The following TBC1D1 variants were observed in gnomAD, a reference collection of about 807,000 sequenced individuals.
The protein encoded by TBC1D1 is TBC1 (tre-2/USP6, BUB2, cdc16) domain family, member 1.
Under a neutral mutation model 125.6 loss-of-function variants are expected in TBC1D1, and 89 were observed. That is an observed-to-expected ratio of 0.71 (90% CI 0.60 to 0.85). The LOEUF (loss-of-function observed/expected upper bound fraction) is 0.85, where lower values mean the gene tolerates loss of function less well. Ranked by LOEUF, TBC1D1 falls within the 40% of genes least tolerant of loss-of-function variation. The pLI is 0.00. For synonymous variants in TBC1D1, 565 were observed against 564.1 expected, an observed-to-expected ratio of 1.00 and a Z score of -0.02; for missense variants, 1,377 against 1,469.2, an observed-to-expected ratio of 0.94 and a Z score of 1.03.
intron 12 of TBC1D1, among the ~76,000 whole-genome samples, chr4:38,075,901 G>GT (rs1434981367): frequency 2.6e-5 from 4 of 151,686 alleles, no homozygotes; most frequent in Admixed American, 6.6e-5. Flanking sequence ...TTCTCTTTTT[G>GT]TTTTTTTTCC....
chr4:37,938,161 G>A (rs193064741), intron 2 of TBC1D1, among the ~76,000 whole-genome samples: 1 of 152,006 alleles, frequency 6.6e-6, no homozygotes, highest in Non-Finnish European at 1.5e-5. Flanking sequence ...TGGGAGGGTC[G>A]CTTGAGATCA....
At chr4:38,135,892 ATGTG>A (rs1296481342) in intron 19 of TBC1D1, among the ~76,000 whole-genome samples, 1 of 148,768 alleles carries the variant, frequency 6.7e-6, no homozygotes, top group Non-Finnish European at 1.5e-5. Context: ...GTGTGTATAT[ATGTG>A]TGTGTGTATA....
intron 2 of TBC1D1, among the ~76,000 whole-genome samples, chr4:37,992,868 G>A (rs1302403425): frequency 1.3e-5 from 2 of 148,572 alleles, no homozygotes; most frequent in African/African-American, 2.5e-5. Context: ...GCAGTGGCGC[G>A]ATCTCAGCTC....
At chr4:38,096,531 C>T (rs2152547542) in intron 14 of TBC1D1, among the ~76,000 whole-genome samples, 1 of 152,354 alleles carries the variant, frequency 6.6e-6, no homozygotes, top group Non-Finnish European at 1.5e-5. Context: ...AAATGCCTCA[C>T]CCTCTCTGAG....
Position 38,005,426 on chromosome 4 carries a change from G to C in TBC1D1, c.418-9083G>C, listed in dbSNP as rs920171222. 2.0e-5 allele frequency among the ~76,000 whole-genome samples: 3 copies of C among 152,300 alleles called. No homozygotes were observed. In the South Asian group the frequency reaches 6.2e-4, roughly 32 times the overall value. On this transcript the variant is annotated intron_variant, in intron 2 of 19. Coordinates refer to ENST00000261439, the MANE Select transcript of TBC1D1 (RefSeq NM_015173.4). Reference sequence around the variant, plus strand: ...TATGTGAGAATTAAGGTTATGATTTGATTTGAAAGACTAGGCTGTTTGCAG... The same window carrying C: ...TATGTGAGAATTAAGGTTATGATTTCATTTGAAAGACTAGGCTGTTTGCAG...
At position 38,089,962 on chromosome 4, in the gene TBC1D1, G is replaced by A. The variant is rs753789018; in HGVS notation, c.2081G>A (p.Arg694Gln). ...TCAGAGCTGGGAGAGCTTCCCCCACGATCTCCTTTAGAACCAGTTTGTGAA... is the reference window on the plus strand; with the variant it reads ...TCAGAGCTGGGAGAGCTTCCCCCACAATCTCCTTTAGAACCAGTTTGTGAA... The change falls in exon 13 of 20, where the codon CGA (arginine) becomes CAA (glutamine). Residue 694 changes from arginine (R) to glutamine (Q), a missense_variant. By Grantham distance (43) the Arg-to-Gln change is conservative. Coordinates refer to ENST00000261439, the MANE Select transcript of TBC1D1 (RefSeq NM_015173.4). 12 of 1,597,628 alleles carry A rather than the reference G, an allele frequency of 7.5e-6. No individual in the cohort carries two copies. Among genetic ancestry groups the A allele is most frequent in the African/African-American group, 1.4e-5 (1 of 73,970 alleles).
At chr4:37,997,100 T>A (rs1737966198) in intron 2 of TBC1D1, among the ~76,000 whole-genome samples, 1 of 152,258 alleles carries the variant, frequency 6.6e-6, no homozygotes, top group Non-Finnish European at 1.5e-5. Flanking sequence ...TTTATTTTAC[T>A]GCAATTCCTG....
At chr4:38,134,804 C>T (rs1182648976) in intron 19 of TBC1D1, among the ~76,000 whole-genome samples, 1 of 152,208 alleles carries the variant, frequency 6.6e-6, no homozygotes, top group Non-Finnish European at 1.5e-5. Flanking sequence ...TCAATAAAGG[C>T]ATCAGACAGT....
chr4:38,070,005 G>A (rs1385881576), intron 12 of TBC1D1, among the ~76,000 whole-genome samples: 1 of 152,200 alleles, frequency 6.6e-6, no homozygotes, highest in Non-Finnish European at 1.5e-5. Context: ...TATCTGGGCT[G>A]TGGGAGGTGT....
intron 2 of TBC1D1, among the ~76,000 whole-genome samples, chr4:37,948,898 T>C (rs961245233): frequency 1.3e-5 from 2 of 152,210 alleles, no homozygotes; most frequent in African/African-American, 2.4e-5. Flanking sequence ...CTGACATCTT[T>C]CACTTAGTAT....
intron 2 of TBC1D1, among the ~76,000 whole-genome samples, chr4:37,914,211 C>G (rs1004453383): frequency 6.6e-6 from 1 of 152,166 alleles, no homozygotes; most frequent in African/African-American, 2.4e-5. Context: ...TCTATTACTT[C>G]AGACTCTTCG....
intron 2 of TBC1D1, among the ~76,000 whole-genome samples, chr4:37,974,792 C>T (rs1278977602): frequency 2.0e-5 from 3 of 152,138 alleles, no homozygotes; most frequent in African/African-American, 7.2e-5. Flanking sequence ...CTCCTGACCC[C>T]AGGTGATCTA....
At chr4:38,072,698 C>A (rs573670958) in intron 12 of TBC1D1, among the ~76,000 whole-genome samples, 6 of 152,290 alleles carry the variant, frequency 3.9e-5, no homozygotes, top group African/African-American at 1.4e-4. Context: ...AGTATATTCA[C>A]ATTGTTGTGC....
chr4:38,107,745 A>G (rs1192876154), intron 15 of TBC1D1, among the ~76,000 whole-genome samples: 1 of 152,012 alleles, frequency 6.6e-6, no homozygotes, highest in Non-Finnish European at 1.5e-5. Flanking sequence ...GTTATTTCCA[A>G]CTTAGAGGGG....
intron 12 of TBC1D1, among the ~76,000 whole-genome samples, chr4:38,059,423 G>A (rs1460517102): frequency 1.3e-5 from 2 of 152,204 alleles, no homozygotes; most frequent in Non-Finnish European, 2.9e-5. Context: ...TGGAGACTTG[G>A]CAAGGCAAAT....
chr4:37,939,321 C>A (rs1287727190), intron 2 of TBC1D1, among the ~76,000 whole-genome samples: 1 of 152,192 alleles, frequency 6.6e-6, no homozygotes, highest in African/African-American at 2.4e-5. Context: ...GCATAAATGT[C>A]TTCTTTTGAG....
intron 2 of TBC1D1, among the ~76,000 whole-genome samples, chr4:37,933,654 C>T (rs1357270812): frequency 1.3e-5 from 2 of 152,148 alleles, no homozygotes; most frequent in Middle Eastern, 6.3e-3. Context: ...AATAAGCTTT[C>T]AGTAACTATG....
At chr4:38,034,384 G>A (rs1198361904) in intron 7 of TBC1D1, among the ~76,000 whole-genome samples, 3 of 152,226 alleles carry the variant, frequency 2.0e-5, no homozygotes, top group African/African-American at 7.2e-5. Context: ...AAATTTGAAA[G>A]AACAGGAAGG....
chr4:38,098,956 T>A (rs1258086512), intron 14 of TBC1D1, among the ~76,000 whole-genome samples: 1 of 152,224 alleles, frequency 6.6e-6, no homozygotes, highest in Non-Finnish European at 1.5e-5. Context: ...CATAATCCTA[T>A]GACATTATAG....
Sources: gnomAD v4.1 joint callset for allele counts (sites outside exome capture counted in the v4.1 genomes callset) on GRCh38, gnomAD v4.1.1 for gene constraint, MANE v1.5 for transcripts, NCBI Gene and HGNC (gene_info 2026-07-23, HGNC 2026-07-21) for gene names.